The following PRIM2 variants were observed in gnomAD, a reference collection of about 807,000 sequenced individuals.
PRIM2 encodes the protein DNA primase subunit 2.
Under a neutral mutation model 67.3 loss-of-function variants are expected in PRIM2, and 39 were observed. The observed-to-expected ratio is 0.58, with a 90% CI of 0.45 to 0.76. The LOEUF is 0.76. Ranked by LOEUF, PRIM2 falls within the 30% of genes least tolerant of loss-of-function variation. The pLI, the probability that PRIM2 is intolerant of heterozygous loss-of-function variation, is 0.00. For synonymous variants in PRIM2, 143 were observed against 198.7 expected (o/e 0.72, Z 2.36); for missense variants, 398 against 598.7 (o/e 0.66, Z 3.50).
intron 10 of PRIM2, among the ~76,000 whole-genome samples, chr6:57,583,848 G>T (rs1776142931): frequency 6.6e-6 from 1 of 152,276 alleles, no homozygotes; most frequent in South Asian, 2.1e-4. Flanking sequence ...TTAATTTCAG[G>T]TTTCCCATTA....
chr6:57,365,949 C>CAAAAAAAAAAAAAAAAAAAA (rs5876544), intron 5 of PRIM2, among the ~76,000 whole-genome samples: 1 of 62,644 alleles, frequency 1.6e-5, no homozygotes, highest in African/African-American at 5.3e-5. Flanking sequence ...GACCATATCT[C>CAAAAAAAAAAAAAAAAAAAA]AAAAAAAAAA....
the PRIM2 span, among the ~76,000 whole-genome samples, chr6:57,272,957 T>C: frequency 6.6e-6 from 1 of 152,228 alleles, no homozygotes; most frequent in Non-Finnish European, 1.5e-5. Context: ...TATTGGCCCC[T>C]ACTCTCTTCT....
intron 8 of PRIM2, among the ~76,000 whole-genome samples, chr6:57,530,723 T>C (rs1774870230): frequency 6.6e-6 from 1 of 152,062 alleles, no homozygotes; most frequent in Non-Finnish European, 1.5e-5. Flanking sequence ...TTTTTTTCTT[T>C]TTTTTGATAC....
upstream of PRIM2, among the ~76,000 whole-genome samples, chr6:57,310,633 G>C (rs1157882790): frequency 2.0e-5 from 3 of 150,926 alleles, no homozygotes; most frequent in Admixed American, 6.6e-5. Context: ...ATCCCAGACG[G>C]GGTGGCGGCC....
At chr6:57,581,683 G>A (rs1382118332) in intron 10 of PRIM2, among the ~76,000 whole-genome samples, 4 of 152,204 alleles carry the variant, frequency 2.6e-5, no homozygotes, top group East Asian at 3.8e-4. Context: ...AGTATGTTAA[G>A]TTATAGTATT....
intron 5 of PRIM2, among the ~76,000 whole-genome samples, chr6:57,338,180 G>C (rs552584554): frequency 6.6e-5 from 10 of 152,070 alleles, no homozygotes; most frequent in Admixed American, 3.9e-4. Flanking sequence ...TCTCTGAATA[G>C]ACCAATAACA....
intron 5 of PRIM2, among the ~76,000 whole-genome samples, chr6:57,374,154 G>T (rs1277505437): frequency 6.5e-4 from 98 of 149,762 alleles, no homozygotes; most frequent in Non-Finnish European, 1.2e-3. Flanking sequence ...CCTTGAAGAG[G>T]TCCTTTACTT....
chr6:57,336,882 A>G (rs1296481140), intron 5 of PRIM2, among the ~76,000 whole-genome samples: 4 of 152,168 alleles, frequency 2.6e-5, no homozygotes, highest in East Asian at 3.8e-4. Context: ...ATGTAAATGG[A>G]CTAAATGCTC....
At chr6:57,604,449 C>A (rs1447927930) in intron 11 of PRIM2, among the ~76,000 whole-genome samples, 2 of 152,010 alleles carry the variant, frequency 1.3e-5, no homozygotes, top group Non-Finnish European at 2.9e-5. Flanking sequence ...ATTTGGATGG[C>A]TTTTATTTCT....
chr6:57,379,551 T>C (rs1170334411), intron 5 of PRIM2, among the ~76,000 whole-genome samples: 1 of 152,200 alleles, frequency 6.6e-6, no homozygotes, highest in East Asian at 1.9e-4. Context: ...TTAACATAAC[T>C]CAAATTAGGA....
At chr6:57,445,608 C>T (rs904416893) in intron 7 of PRIM2, among the ~76,000 whole-genome samples, 2 of 152,174 alleles carry the variant, frequency 1.3e-5, no homozygotes, top group African/African-American at 4.8e-5. Context: ...TCCTTAGCTA[C>T]CTCAGCCACT....
chr6:57,224,244 TG>T, the PRIM2 span, among the ~76,000 whole-genome samples: 2 of 152,190 alleles, frequency 1.3e-5, no homozygotes, highest in Admixed American at 6.5e-5. Context: ...AAGACCAGCC[TG>T]GGCAAATCCT....
chr6:57,578,918 C>T (rs1192958132), intron 10 of PRIM2, among the ~76,000 whole-genome samples: 7 of 151,662 alleles, frequency 4.6e-5, no homozygotes, highest in Non-Finnish European at 7.4e-5. Flanking sequence ...CCTCGTGATC[C>T]GCCCGCCTCG....
chr6:57,477,219 C>T (rs1773496854), intron 7 of PRIM2, among the ~76,000 whole-genome samples: 1 of 152,112 alleles, frequency 6.6e-6, no homozygotes, highest in Admixed American at 6.5e-5. Flanking sequence ...TCTTGAACTC[C>T]TGGGCTCAAG....
At chr6:57,414,867 C>T (rs560553487) in intron 7 of PRIM2, among the ~76,000 whole-genome samples, 2 of 151,680 alleles carry the variant, frequency 1.3e-5, no homozygotes, top group Non-Finnish European at 2.9e-5. Context: ...TATTTATTTC[C>T]CCTTAATACT....
the PRIM2 span, among the ~76,000 whole-genome samples, chr6:57,253,436 T>C: frequency 6.6e-6 from 1 of 152,166 alleles, no homozygotes; most frequent in Admixed American, 6.6e-5. Context: ...GGCTTGTTAA[T>C]ATGCTACTGG....
chr6:57,379,404 G>A (rs1376738652), intron 5 of PRIM2, among the ~76,000 whole-genome samples: 1 of 149,936 alleles, frequency 6.7e-6, no homozygotes, highest in African/African-American at 2.5e-5. Flanking sequence ...TTTTTATAAA[G>A]CCATAATCAG....
chr6:57,249,603 G>A, the PRIM2 span, among the ~76,000 whole-genome samples: 10 of 152,174 alleles, frequency 6.6e-5, no homozygotes, highest in African/African-American at 9.6e-5. Context: ...TTAGCCTGGC[G>A]TGGTGGTGCG....
At chr6:57,498,595 A>G (rs2127456628) in intron 7 of PRIM2, among the ~76,000 whole-genome samples, 1 of 152,284 alleles carries the variant, frequency 6.6e-6, no homozygotes, top group South Asian at 2.1e-4. Flanking sequence ...GGATTTCTTG[A>G]TATTGTCATT....
Sources: gnomAD v4.1 joint callset for allele counts (sites outside exome capture counted in the v4.1 genomes callset) on GRCh38, gnomAD v4.1.1 for gene constraint, MANE v1.5 for transcripts, NCBI Gene and HGNC (gene_info 2026-07-23, HGNC 2026-07-21) for gene names.